C8B: variants seen among roughly 807,000 people sequenced by gnomAD.
C8B encodes the protein complement component C8 beta chain.
In C8B, 67 loss-of-function variants were observed where a neutral mutation model predicts 64.6. The ratio of observed to expected loss-of-function variants is 1.04; its 90% confidence interval spans 0.85 to 1.27. The LOEUF is 1.27. C8B is among the 50% of genes most tolerant of loss of function. C8B has a pLI of 0.00. For synonymous variants in C8B, 284 were observed against 257.7 expected, an observed-to-expected ratio of 1.10 and a Z score of -0.98; for missense variants, 790 against 725.2, an observed-to-expected ratio of 1.09 and a Z score of -1.03.
rs1379074836 is a variant in C8B at position 56,952,174 on chromosome 1, A to G, written c.540T>C (p.Asn180=). 12 of 1,614,168 alleles carry G rather than the reference A, an allele frequency of 7.4e-6. No homozygotes were observed. Among genetic ancestry groups the G allele is most frequent in the Non-Finnish European group, 1.0e-5 (12 of 1,180,012 alleles). The change falls in exon 5 of 12, where the codon AAT becomes AAC. Residue 180 remains asparagine, a synonymous_variant. Transcript: ENST00000371237. ...WGIGSLASGI[N]LFTNSFEGPV... Reference sequence around the variant, plus strand: ...GGCCCTCAAAACTGTTTGTGAACAAATTTATCCTGTGAGGAAGAGACAGAG... The same window carrying G: ...GGCCCTCAAAACTGTTTGTGAACAAGTTTATCCTGTGAGGAAGAGACAGAG...
rs1470303899 is a variant in C8B at position 56,933,486 on chromosome 1, C to T, written c.1401G>A (p.Val467=). 1 of 1,613,418 alleles carries T rather than the reference C, an allele frequency of 6.2e-7. No individual in the cohort carries two copies. Among genetic ancestry groups the T allele is most frequent in the Non-Finnish European group, 8.5e-7 (1 of 1,179,506 alleles). The change falls in exon 10 of 12, where the codon GTG becomes GTA. Residue 467 remains valine (V), a splice_region_variant and synonymous_variant. Transcript: ENST00000371237. ...CTGTCACTAGTTCATACAGAGGCTC[C>T]ACCTGGAAAGGGAAAAGGGCATTTA... ...QYNPAIIKVK[V]EPLYELVTAT...
At chr1:56,939,544 A>T (rs1644820132) in intron 9 of C8B, among the ~76,000 whole-genome samples, 1 of 152,204 alleles carries the variant, frequency 6.6e-6, no homozygotes, top group African/African-American at 2.4e-5. Flanking sequence ...TAATGACTGT[A>T]CAGACATTAG....
intron 5 of C8B, among the ~76,000 whole-genome samples, chr1:56,950,724 TCA>T (rs2101428642): frequency 6.6e-6 from 1 of 152,324 alleles, no homozygotes; most frequent in East Asian, 1.9e-4. Flanking sequence ...TCTCCATGCC[TCA>T]GTTTCTTCAT....
chr1:56,957,841 A>G (rs1248569934), intron 2 of C8B, among the ~76,000 whole-genome samples: 1 of 152,104 alleles, frequency 6.6e-6, no homozygotes, highest in Admixed American at 6.6e-5. Flanking sequence ...TTGCACACTC[A>G]TCGGGAGTCC....
At chr1:56,933,952 C>A (rs1254089593) in intron 9 of C8B, among the ~76,000 whole-genome samples, 1 of 152,100 alleles carries the variant, frequency 6.6e-6, no homozygotes, top group Non-Finnish European at 1.5e-5. Flanking sequence ...GGGGTACTGT[C>A]CCAACATCAC....
At chr1:56,930,402 T>C (rs1644682715) in intron 11 of C8B, among the ~76,000 whole-genome samples, 1 of 152,200 alleles carries the variant, frequency 6.6e-6, no homozygotes, top group Non-Finnish European at 1.5e-5. Context: ...AATTACTTAA[T>C]AACTGGGCCT....
At position 56,948,039 on chromosome 1, in the gene C8B, A is replaced by T. The variant is rs149212188; in HGVS notation, c.864+1516T>A. Among the ~76,000 whole-genome samples, 345 of 152,334 alleles carry T rather than the reference A, an allele frequency of 2.3e-3. 1 individual carries two copies. Among genetic ancestry groups the T allele is most frequent in the Middle Eastern group, 0.01 (3 of 294 alleles). ...CTGCACTGTGAACACGAAGGCCAGA[A>T]TATTATCCTAGAGGCTACAGATCCC... On this transcript the variant is annotated intron_variant, in intron 6 of 11. Coordinates refer to ENST00000371237, the MANE Select transcript of C8B (RefSeq NM_000066.4).
At chr1:56,936,241 C>T (rs1644772753) in intron 9 of C8B, among the ~76,000 whole-genome samples, 1 of 152,126 alleles carries the variant, frequency 6.6e-6, no homozygotes, top group South Asian at 2.1e-4. Flanking sequence ...AATTCTGTTC[C>T]TAAATAATTG....
chr1:56,948,118 A>C (rs1389665649), intron 6 of C8B, among the ~76,000 whole-genome samples: 1 of 152,284 alleles, frequency 6.6e-6, no homozygotes, highest in Non-Finnish European at 1.5e-5. Flanking sequence ...ATAACTGGCA[A>C]TTTGAATCAG....
At chr1:56,931,622 T>C (rs1374629306) in intron 11 of C8B, 188 bp downstream of exon 11, 4 of 577,402 alleles carry the variant, frequency 6.9e-6, no homozygotes, top group Non-Finnish European at 1.3e-5. Context: ...GTAAAAATAA[T>C]GAAATGCATA....
rs141962576 is a variant in C8B at position 56,931,833 on chromosome 1, G to C, written c.1598C>G (p.Ala533Gly). Reference protein sequence around the residue: ...CICPVGSQGLACEVSYRKNTP... With the variant: ...CICPVGSQGLGCEVSYRKNTP... ...ACTCTTCCGATAGGAGACCTCACAG[G>C]CTAGGCCTTGGGATCCAACAGGACA... The change falls in exon 11 of 12, where the codon GCC (alanine) becomes GGC (glycine). Residue 533 changes from alanine (A) to glycine (G), a missense_variant. Physicochemically the swap from Ala to Gly is moderately conservative, Grantham distance 60. Coordinates refer to ENST00000371237, the MANE Select transcript of C8B (RefSeq NM_000066.4). The C allele has an allele frequency of 3.7e-6, 6 of 1,611,856 alleles. No homozygotes were observed. In the African/African-American group the frequency reaches 4.0e-5, roughly 11 times the overall value.
At chr1:56,952,304 G>T in intron 4 of C8B, 124 bp from the exon 5 acceptor site, 1 of 1,304,308 alleles carries the variant, frequency 7.7e-7, no homozygotes, top group Non-Finnish European at 1.1e-6. Context: ...TTGATACCTG[G>T]TCCAAGCCAG....
At chr1:56,954,124 G>T (rs1246978055) in intron 4 of C8B, among the ~76,000 whole-genome samples, 1 of 152,142 alleles carries the variant, frequency 6.6e-6, no homozygotes, top group African/African-American at 2.4e-5. Flanking sequence ...TGGCAGGAAA[G>T]TAAGGTGCAT....
chr1:56,940,329 A>G (rs1644833180), intron 9 of C8B, among the ~76,000 whole-genome samples: 1 of 151,894 alleles, frequency 6.6e-6, no homozygotes, highest in African/African-American at 2.4e-5. Flanking sequence ...GCACTTTGGG[A>G]GGCAAAAGTG....
intron 1 of C8B, among the ~76,000 whole-genome samples, chr1:56,960,585 G>A (rs372936883): frequency 6.6e-6 from 1 of 152,340 alleles, no homozygotes; most frequent in Middle Eastern, 3.4e-3. Context: ...GGAGTCAGGA[G>A]AGCCTGGTAG....
At chr1:56,930,645 GTTTCCACAC>G in intron 11 of C8B, among the ~76,000 whole-genome samples, 1 of 152,250 alleles carries the variant, frequency 6.6e-6, no homozygotes, top group Admixed American at 6.5e-5. Context: ...CTGAACCTGG[GTTTCCACAC>G]TTCCTAATTG....
chr1:56,939,202 C>T (rs2101378865), intron 9 of C8B, among the ~76,000 whole-genome samples: 1 of 152,186 alleles, frequency 6.6e-6, no homozygotes, highest in Admixed American at 6.5e-5. Flanking sequence ...ATCTATTTTC[C>T]CTTGAACTCT....
intron 1 of C8B, among the ~76,000 whole-genome samples, chr1:56,962,937 G>A (rs1358975636): frequency 1.3e-5 from 2 of 152,216 alleles, no homozygotes; most frequent in African/African-American, 2.4e-5. Flanking sequence ...GATTCATAAA[G>A]AGATCTAGTT....
chr1:56,938,853 T>C (rs1351834029), intron 9 of C8B, among the ~76,000 whole-genome samples: 1 of 151,966 alleles, frequency 6.6e-6, no homozygotes, highest in Non-Finnish European at 1.5e-5. Flanking sequence ...AGAATTATTC[T>C]GACATAATGT....
Sources: allele counts gnomAD v4.1 joint callset (sites outside exome capture counted in the v4.1 genomes callset), GRCh38; gene constraint gnomAD v4.1.1; transcripts MANE v1.5; gene names NCBI Gene and HGNC (gene_info 2026-07-23, HGNC 2026-07-21).